The following GPHN variants were observed in gnomAD, a reference collection of about 807,000 sequenced individuals.
GPHN encodes the protein gephyrin.
Under a neutral mutation model 95.5 loss-of-function variants are expected in GPHN, and 17 were observed. That is an observed-to-expected ratio of 0.18 (90% CI 0.12 to 0.27). The LOEUF is 0.27. Among genes scored for constraint, GPHN ranks in the 10% least tolerant of loss-of-function variants. The probability of loss-of-function intolerance (pLI) is 1.00; values close to 1 mark genes in which losing one functional copy is unlikely to be tolerated. For missense variants in GPHN, 660 were observed against 978.1 expected, an observed-to-expected ratio of 0.67 and a Z score of 4.34; for synonymous variants, 320 against 322.5, an observed-to-expected ratio of 0.99 and a Z score of 0.08.
At chr14:67,403,965 A>G in the GPHN span, among the ~76,000 whole-genome samples, 6 of 152,268 alleles carry the variant, frequency 3.9e-5, no homozygotes, top group African/African-American at 1.4e-4. Context: ...AGGTGGAAGG[A>G]CCACGTGAGC....
At chr14:67,034,268 A>T (rs1459941741) in intron 10 of GPHN, among the ~76,000 whole-genome samples, 1 of 152,208 alleles carries the variant, frequency 6.6e-6, no homozygotes, top group Non-Finnish European at 1.5e-5. Flanking sequence ...TATGATTGAT[A>T]GATTGTTCTG....
the GPHN span, among the ~76,000 whole-genome samples, chr14:67,318,189 G>T: frequency 6.6e-6 from 1 of 152,174 alleles, no homozygotes; most frequent in African/African-American, 2.4e-5. Flanking sequence ...TCCTTCTTAT[G>T]TAATTTATAA....
chr14:67,224,415 T>C, the GPHN span, among the ~76,000 whole-genome samples: 1 of 151,950 alleles, frequency 6.6e-6, no homozygotes, highest in Non-Finnish European at 1.5e-5. Context: ...CGTGCCACTA[T>C]GCCTAGCTAA....
At chr14:67,614,429 A>G in the GPHN span, among the ~76,000 whole-genome samples, 2 of 152,192 alleles carry the variant, frequency 1.3e-5, no homozygotes, top group Non-Finnish European at 2.9e-5. Flanking sequence ...TGCAATTTTT[A>G]GGAATTTTGT....
chr14:66,802,861 C>T (rs932610996), intron 3 of GPHN, among the ~76,000 whole-genome samples: 2 of 152,246 alleles, frequency 1.3e-5, no homozygotes, highest in South Asian at 2.1e-4. Context: ...TTTGTCTCCT[C>T]TCCTCAAGTG....
At position 67,175,954 on chromosome 14, in the gene GPHN, T is replaced by C. The variant is rs1017815832; in HGVS notation, c.2080-3624T>C. On this transcript the variant is annotated intron_variant, in intron 21 of 22. Coordinates refer to ENST00000478722, the MANE Select transcript of GPHN (RefSeq NM_020806.5). The stretch of plus-strand genomic sequence containing the variant: ...GTATCCTGAGACTGCTGAAGTTGCT[T>C]ATCAGCTTAAGGAGGTTTTGGGCTG... Among the ~76,000 whole-genome samples, 5 of 152,336 alleles carry C rather than the reference T, an allele frequency of 3.3e-5. 1 individual carries two copies. The highest frequency in any genetic ancestry group is 4.1e-4 in the South Asian group (2 of 4,824).
chr14:67,098,822 C>CA lies in GPHN; in HGVS notation c.1238-2020dup, dbSNP rs112801526. Among the ~76,000 whole-genome samples, 489 of 89,410 alleles carry CA rather than the reference C, an allele frequency of 5.5e-3. 1 individual carries two copies. Among genetic ancestry groups the CA allele is most frequent in the South Asian group, 0.018 (54 of 2,976 alleles). 58.7% of individuals were successfully genotyped at this position (89,410 alleles called of 152,430 possible). On this transcript the variant is annotated intron_variant, in intron 12 of 22. Coordinates refer to ENST00000478722, the MANE Select transcript of GPHN (RefSeq NM_020806.5). The stretch of plus-strand genomic sequence containing the variant: ...GAGCAGCAAGAGCGAAACTCCATCT[C>CA]AAAAAAAAAAAAAAGAAAAAGAGAG...
At chr14:67,164,026 T>A (rs2082118546) in intron 19 of GPHN, among the ~76,000 whole-genome samples, 1 of 151,982 alleles carries the variant, frequency 6.6e-6, no homozygotes, top group Non-Finnish European at 1.5e-5. Context: ...CCCAGCACTT[T>A]GGGAGGCCGA....
At chr14:66,966,263 A>G (rs2069317994) in intron 9 of GPHN, among the ~76,000 whole-genome samples, 2 of 152,144 alleles carry the variant, frequency 1.3e-5, no homozygotes, top group South Asian at 2.1e-4. Context: ...TGTGAATGTT[A>G]TAATTTAATT....
chr14:67,486,833 G>A, the GPHN span, among the ~76,000 whole-genome samples: 3 of 152,198 alleles, frequency 2.0e-5, no homozygotes, highest in African/African-American at 4.8e-5. Flanking sequence ...TCCCGCATGT[G>A]ATGGCCCAAT....
At chr14:67,086,756 C>T (rs2076908979) in intron 11 of GPHN, among the ~76,000 whole-genome samples, 1 of 150,508 alleles carries the variant, frequency 6.6e-6, no homozygotes, top group East Asian at 2.0e-4. Flanking sequence ...AACGTCTCTT[C>T]CGGCCAGGCG....
the GPHN span, among the ~76,000 whole-genome samples, chr14:67,640,104 T>C: frequency 3.1e-4 from 47 of 152,126 alleles, no homozygotes; most frequent in African/African-American, 1.0e-3. Flanking sequence ...CAAACCTTTT[T>C]GTCTTTTTTT....
At chr14:67,209,461 T>C in the GPHN span, among the ~76,000 whole-genome samples, 1 of 152,188 alleles carries the variant, frequency 6.6e-6, no homozygotes, top group South Asian at 2.1e-4. Context: ...ATTACAAATC[T>C]CTGCCAAATA....
At chr14:67,347,582 A>T in the GPHN span, 1 of 717,998 alleles carries the variant, frequency 1.4e-6, no homozygotes, top group Admixed American at 2.8e-5. Context: ...CCTCACCGCA[A>T]CCTCTGCCTC....
chr14:67,413,784 C>T, the GPHN span, among the ~76,000 whole-genome samples: 1 of 152,184 alleles, frequency 6.6e-6, no homozygotes, highest in African/African-American at 2.4e-5. Context: ...GGCTTCCATT[C>T]CAATTCAGAA....
At chr14:66,752,794 A>T (rs1373998482) in intron 2 of GPHN, among the ~76,000 whole-genome samples, 1 of 152,028 alleles carries the variant, frequency 6.6e-6, no homozygotes, top group African/African-American at 2.4e-5. Context: ...TGTGAAAAGC[A>T]CAATAAAGCG....
At chr14:66,689,632 C>T (rs1019363341) in intron 2 of GPHN, among the ~76,000 whole-genome samples, 1 of 152,086 alleles carries the variant, frequency 6.6e-6, no homozygotes, top group Non-Finnish European at 1.5e-5. Context: ...GATTTTAATT[C>T]TGCTTTAAAT....
intron 9 of GPHN, among the ~76,000 whole-genome samples, chr14:66,981,468 TA>T (rs962909235): frequency 1.3e-5 from 2 of 150,340 alleles, no homozygotes; most frequent in Non-Finnish European, 3.0e-5. Context: ...AGCAAAACTT[TA>T]AAAAAAAAAT....
At chr14:67,390,738 C>G in the GPHN span, 1 of 1,611,604 alleles carries the variant, frequency 6.2e-7, no homozygotes, top group East Asian at 2.2e-5. Context: ...AGTTTTTCCT[C>G]TTGTGTCCCT....
Sources: gnomAD v4.1 joint callset for allele counts (sites outside exome capture counted in the v4.1 genomes callset) on GRCh38, gnomAD v4.1.1 for gene constraint, MANE v1.5 for transcripts, NCBI Gene and HGNC (gene_info 2026-07-23, HGNC 2026-07-21) for gene names.